The following USP38 variants were observed in gnomAD, a reference collection of about 807,000 sequenced individuals.
The protein encoded by USP38 is ubiquitin carboxyl-terminal hydrolase 38.
A neutral mutation model predicts 94.3 loss-of-function variants in USP38; 49 were observed. The ratio of observed to expected loss-of-function variants is 0.52; its 90% CI spans 0.41 to 0.66. USP38 has a LOEUF of 0.66. USP38 is among the 30% of genes least tolerant of loss of function. The pLI, the probability that USP38 is intolerant of heterozygous loss-of-function variation, is 0.00. For missense variants in USP38, 1,128 were observed against 1,229.4 expected (o/e 0.92, Z 1.23); for synonymous variants, 468 against 463.6 (o/e 1.01, Z -0.12).
At chr4:143,197,687 AAT>A in intron 3 of USP38, 134 bp from the exon 4 acceptor site, 1 of 599,532 alleles carries the variant, frequency 1.7e-6, no homozygotes. Context: ...CCCAAAGTTT[AAT>A]AATATAAGTT....
chr4:143,203,639 T>C, intron 5 of USP38, 73 bp downstream of exon 5: 1 of 1,437,680 alleles, frequency 7.0e-7, no homozygotes, highest in South Asian at 1.3e-5. Context: ...TATAACCAGC[T>C]ACTCAATTTA....
intron 9 of USP38, among the ~76,000 whole-genome samples, chr4:143,218,446 ATAAAAG>A (rs1214358695): frequency 2.0e-5 from 3 of 152,106 alleles, no homozygotes; most frequent in Non-Finnish European, 4.4e-5. Flanking sequence ...ATTAAGTAAA[ATAAAAG>A]ACAGTTTTTC....
intron 9 of USP38, among the ~76,000 whole-genome samples, chr4:143,219,797 T>C (rs907941739): frequency 6.6e-6 from 1 of 152,138 alleles, no homozygotes. Flanking sequence ...AACATATGCT[T>C]GGCATCTAGA....
intron 3 of USP38, among the ~76,000 whole-genome samples, chr4:143,197,001 T>A (rs1731567965): frequency 6.6e-6 from 1 of 152,240 alleles, no homozygotes; most frequent in African/African-American, 2.4e-5. Context: ...GCTGCAAGAT[T>A]GCAGCAGCCT....
chr4:143,202,800 A>G (rs1731754240), intron 4 of USP38, among the ~76,000 whole-genome samples: 1 of 152,010 alleles, frequency 6.6e-6, no homozygotes, highest in African/African-American at 2.4e-5. Context: ...GATGCCCTTT[A>G]TTTTTAGAAC....
intron 2 of USP38, among the ~76,000 whole-genome samples, chr4:143,194,074 G>A (rs779083412): frequency 3.9e-5 from 6 of 152,150 alleles, no homozygotes; most frequent in Non-Finnish European, 7.3e-5. Flanking sequence ...GGGTGACAGA[G>A]CGAGACTGTG....
At chr4:143,192,042 C>T (rs1281975135) in intron 2 of USP38, among the ~76,000 whole-genome samples, 1 of 152,186 alleles carries the variant, frequency 6.6e-6, no homozygotes, top group Non-Finnish European at 1.5e-5. Context: ...GCTGGCAGAG[C>T]TTAGTTTAAA....
intron 2 of USP38, among the ~76,000 whole-genome samples, chr4:143,193,213 G>A (rs911762217): frequency 6.6e-6 from 1 of 151,758 alleles, no homozygotes; most frequent in Non-Finnish European, 1.5e-5. Context: ...AAAAACTGCA[G>A]TGGTTTTTTT....
chr4:143,207,713 A>G (rs1188686860), intron 6 of USP38, among the ~76,000 whole-genome samples: 2 of 151,838 alleles, frequency 1.3e-5, no homozygotes, highest in African/African-American at 2.4e-5. Context: ...CACAAGTGAT[A>G]CTAGGCATAA....
intron 2 of USP38, among the ~76,000 whole-genome samples, chr4:143,194,187 G>T (rs189217329): frequency 7.4e-4 from 113 of 152,296 alleles, no homozygotes; most frequent in African/African-American, 2.5e-3. Flanking sequence ...TATAATCAAG[G>T]TATTTATTTA....
chr4:143,222,081 C>T lies in USP38; in HGVS notation c.*1625C>T, dbSNP rs1732339342. 1 of 151,988 alleles carries T rather than the reference C, an allele frequency of 6.6e-6. No homozygotes were observed. 9.4% of individuals were successfully genotyped at this position (151,988 alleles called of 1,614,324 possible). A position where few individuals can be genotyped will look rare whatever the true frequency, so the allele number is the denominator to read the frequency against. Reference sequence around the variant, plus strand: ...CACTTACTTGATAGCAACTTACGACCAGATTATATCAGTCTTGGCATTTAT... The same window carrying T: ...CACTTACTTGATAGCAACTTACGACTAGATTATATCAGTCTTGGCATTTAT... On this transcript the variant is annotated 3_prime_UTR_variant, in exon 10 of 10. Transcript: ENST00000307017.
rs1424110149 is a variant in USP38, at chr4:143,222,061, A to T, written c.*1605A>T. 8.5e-5 allele frequency: 13 copies of T among 152,094 alleles called. No individual in the cohort carries two copies. Among genetic ancestry groups the T allele is most frequent in the Admixed American group, 8.5e-4 (13 of 15,244 alleles). The allele number at this position is 152,094 out of a possible 1,614,324, so 9.4% of individuals were successfully genotyped here. A position where few individuals can be genotyped will look rare whatever the true frequency, so the allele number is the denominator to read the frequency against. On this transcript the variant is annotated 3_prime_UTR_variant, in exon 10 of 10. Transcript: ENST00000307017. ...ATCCTGTGTGTTCAGTTATCCACTT[A>T]CTTGATAGCAACTTACGACCAGATT... is the stretch of plus-strand genomic sequence containing the variant.
intron 9 of USP38, among the ~76,000 whole-genome samples, chr4:143,217,850 T>G (rs1362133187): frequency 6.6e-6 from 1 of 152,182 alleles, no homozygotes; most frequent in Non-Finnish European, 1.5e-5. Context: ...GGGAAAACAA[T>G]GCAAATTGTG....
chr4:143,187,965 C>T lies in USP38; in HGVS notation c.818+4C>T. The T allele has an allele frequency of 6.2e-7, 1 of 1,608,090 alleles. No homozygotes were observed. Among genetic ancestry groups the T allele is most frequent in the Non-Finnish European group, 8.5e-7 (1 of 1,177,988 alleles). ...GTATGACCCAAGCCCTTTGCAGGTA[C>T]TTCTTCATGACACTATTAATGGTAA... On this transcript the variant is annotated splice_donor_region_variant and intron_variant, in intron 2 of 9. Transcript: ENST00000307017.
intron 1 of USP38, 100 bp downstream of exon 1, chr4:143,186,232 T>C (rs1378387394): frequency 3.1e-6 from 4 of 1,288,902 alleles, no homozygotes; most frequent in Non-Finnish European, 4.3e-6. Context: ...CCTAAAAACA[T>C]TCTTAAGCGA....
Position 143,195,769 on chromosome 4 carries a change from T to C in USP38, c.872T>C (p.Ile291Thr). ...PLAQHVDTWV[I>T]ALLKGLAAVQ... ...GCTCAGCATGTGGATACATGGGTAA[T>C]TGCACTCCTGAAAGGACTGGCAGCT... is the stretch of plus-strand genomic sequence containing the variant. Residue 291 changes from isoleucine (I) to threonine (T), a missense_variant, in exon 3 of 10, where the codon ATT becomes ACT. Coordinates refer to ENST00000307017, the MANE Select transcript of USP38 (RefSeq NM_032557.6). 2 of 1,613,748 alleles carry C rather than the reference T, an allele frequency of 1.2e-6. No individual in the cohort carries two copies. The highest frequency in any genetic ancestry group is 8.5e-7 in the Non-Finnish European group (1 of 1,179,830).
intron 5 of USP38, among the ~76,000 whole-genome samples, chr4:143,205,725 A>G (rs535797075): frequency 5.7e-4 from 87 of 152,316 alleles, no homozygotes; most frequent in African/African-American, 2.0e-3. Context: ...CTGACCCCAA[A>G]GTTTTATTTT....
chr4:143,212,293 A>G, intron 7 of USP38, 25 bp from the exon 8 acceptor site: 1 of 1,559,532 alleles, frequency 6.4e-7, no homozygotes, highest in Non-Finnish European at 8.8e-7. Flanking sequence ...TCACTTCCTT[A>G]TATTTTCTCA....
chr4:143,194,092 A>C (rs748031594), intron 2 of USP38, among the ~76,000 whole-genome samples: 16 of 152,374 alleles, frequency 1.1e-4, no homozygotes, highest in Non-Finnish European at 2.2e-4. Context: ...GTGTCTCAAA[A>C]AGAAAAAAGA....
Sources: allele counts gnomAD v4.1 joint callset (sites outside exome capture counted in the v4.1 genomes callset), GRCh38; gene constraint gnomAD v4.1.1; transcripts MANE v1.5; gene names NCBI Gene and HGNC (gene_info 2026-07-23, HGNC 2026-07-21).